MATN2: variants seen among roughly 807,000 people sequenced by gnomAD.
MATN2 encodes matrilin 2, also known as matrilin-2.
MATN2 carries 69 observed loss-of-function variants against 103.2 expected under a neutral mutation model. That is an observed-to-expected ratio of 0.67 (90% CI 0.55 to 0.82). MATN2 has a LOEUF of 0.82. MATN2 is among the 40% of genes least tolerant of loss of function. The pLI, the probability that MATN2 is intolerant of heterozygous loss-of-function variation, is 0.00. For missense variants in MATN2, 1,023 were observed against 1,211.5 expected (o/e 0.84, Z 2.31); for synonymous variants, 429 against 450.2 (o/e 0.95, Z 0.60).
chr8:97,934,889 G>A (rs1201456149), intron 3 of MATN2, among the ~76,000 whole-genome samples: 1 of 152,168 alleles, frequency 6.6e-6, no homozygotes, highest in East Asian at 1.9e-4. Flanking sequence ...AGGAACAAAA[G>A]CAAAGGCAGT....
Position 98,033,039 on chromosome 8 carries a change from C to T in MATN2, c.2582-3C>T. 1 of 1,599,626 alleles carries T rather than the reference C, an allele frequency of 6.3e-7. No homozygotes were observed. The highest frequency in any genetic ancestry group is 1.4e-5 in the African/African-American group (1 of 74,056). The stretch of plus-strand genomic sequence containing the variant: ...TTGATTGCAGTTTTCTTTCTCTTTA[C>T]AGAATCTGAGCCAGTCACCATAAAT... On this transcript the variant is annotated splice_polypyrimidine_tract_variant and splice_region_variant and intron_variant, in intron 16 of 18. Coordinates refer to ENST00000254898, the MANE Select transcript of MATN2 (RefSeq NM_002380.5).
At chr8:97,956,358 A>G (rs1015093720) in intron 4 of MATN2, among the ~76,000 whole-genome samples, 2 of 152,042 alleles carry the variant, frequency 1.3e-5, no homozygotes, top group African/African-American at 4.8e-5. Context: ...TGTATTTTTA[A>G]TAGAGATGGG....
At chr8:97,997,063 A>G (rs1232523842) in intron 7 of MATN2, among the ~76,000 whole-genome samples, 1 of 152,226 alleles carries the variant, frequency 6.6e-6, no homozygotes, top group Non-Finnish European at 1.5e-5. Flanking sequence ...GAGTGCTATC[A>G]TCAGTTTAAG....
intron 6 of MATN2, among the ~76,000 whole-genome samples, chr8:97,992,386 C>T (rs918559762): frequency 3.9e-5 from 6 of 152,054 alleles, no homozygotes; most frequent in Admixed American, 3.3e-4. Flanking sequence ...TATGGTATTA[C>T]AATTATATTG....
At chr8:98,003,518 G>T in intron 7 of MATN2, 143 bp from the exon 8 acceptor site, 3 of 824,098 alleles carry the variant, frequency 3.6e-6, no homozygotes, top group Non-Finnish European at 3.8e-6. Context: ...GCAGACAAAC[G>T]AATGAATGAT....
chr8:97,957,820 C>T (rs1811188932), intron 4 of MATN2, among the ~76,000 whole-genome samples: 1 of 152,172 alleles, frequency 6.6e-6, no homozygotes, highest in African/African-American at 2.4e-5. Context: ...ACTGGGGCTA[C>T]CTGGGAGCTT....
chr8:97,885,297 T>C (rs1421336765), intron 1 of MATN2, among the ~76,000 whole-genome samples: 2 of 152,120 alleles, frequency 1.3e-5, no homozygotes, highest in Non-Finnish European at 2.9e-5. Flanking sequence ...CACATATAAA[T>C]GATGTAACAC....
chr8:98,030,664 C>CTT (rs36040926), intron 15 of MATN2, 50 bp downstream of exon 15: 289 of 1,530,770 alleles, frequency 1.9e-4, no homozygotes, highest in Admixed American at 5.4e-4. Context: ...GCATGAACTC[C>CTT]TTTTTTTTTG....
At chr8:97,994,968 A>T (rs781044605) in intron 7 of MATN2, among the ~76,000 whole-genome samples, 2 of 152,208 alleles carry the variant, frequency 1.3e-5, no homozygotes, top group East Asian at 3.8e-4. Context: ...CTCCTACAAG[A>T]TAAGACACTT....
intron 7 of MATN2, among the ~76,000 whole-genome samples, chr8:97,996,158 T>G (rs1812580090): frequency 6.6e-6 from 1 of 152,168 alleles, no homozygotes; most frequent in Non-Finnish European, 1.5e-5. Flanking sequence ...GTGTTACTAA[T>G]GGAGGGGAAA....
At chr8:97,913,762 G>A (rs145011732) in intron 2 of MATN2, among the ~76,000 whole-genome samples, 1,979 of 151,056 alleles carry the variant, frequency 0.013, 20 homozygotes, top group South Asian at 0.027. Context: ...CTACAGGCAC[G>A]TGCCACCACG....
intron 2 of MATN2, among the ~76,000 whole-genome samples, chr8:97,910,849 G>A (rs530044527): frequency 1.3e-5 from 2 of 152,160 alleles, no homozygotes; most frequent in African/African-American, 4.8e-5. Context: ...GCTATGAGGA[G>A]TAATGAGTTA....
intron 2 of MATN2, among the ~76,000 whole-genome samples, chr8:97,927,226 C>T (rs1810016008): frequency 6.6e-6 from 1 of 152,208 alleles, no homozygotes; most frequent in Non-Finnish European, 1.5e-5. Flanking sequence ...TCACAGCAAC[C>T]TCCAGCTCCC....
chr8:97,995,154 G>A (rs955858695), intron 7 of MATN2, among the ~76,000 whole-genome samples: 5 of 152,244 alleles, frequency 3.3e-5, no homozygotes, highest in African/African-American at 1.2e-4. Flanking sequence ...CAAAGGGCAT[G>A]ATTGGGGATC....
chr8:97,908,640 C>T (rs1819259817), intron 2 of MATN2, among the ~76,000 whole-genome samples: 1 of 151,492 alleles, frequency 6.6e-6, no homozygotes, highest in Non-Finnish European at 1.5e-5. Context: ...CTCTTTCAAC[C>T]TTTTTTTTTG....
intron 7 of MATN2, among the ~76,000 whole-genome samples, chr8:97,995,305 T>C (rs1812545143): frequency 6.6e-6 from 1 of 152,232 alleles, no homozygotes; most frequent in South Asian, 2.1e-4. Context: ...TTGGCACTCA[T>C]AGATGTGCAC....
At chr8:97,983,580 C>T (rs1812096758) in intron 6 of MATN2, among the ~76,000 whole-genome samples, 1 of 152,174 alleles carries the variant, frequency 6.6e-6, no homozygotes, top group Non-Finnish European at 1.5e-5. Flanking sequence ...GGCTTTGAGT[C>T]TAATGCTTAA....
intron 5 of MATN2, among the ~76,000 whole-genome samples, chr8:97,966,168 T>A (rs1029989896): frequency 2.0e-5 from 3 of 149,646 alleles, no homozygotes; most frequent in African/African-American, 2.5e-5. Context: ...AAAAAAAAAA[T>A]AAATGAATAA....
chr8:98,008,092 A>T (rs1382601451), intron 10 of MATN2, among the ~76,000 whole-genome samples: 1 of 152,152 alleles, frequency 6.6e-6, no homozygotes, highest in African/African-American at 2.4e-5. Context: ...TTCCAAAGTC[A>T]GTCCTGGGAG....
Sources: gnomAD v4.1 joint callset for allele counts (sites outside exome capture counted in the v4.1 genomes callset) on GRCh38, gnomAD v4.1.1 for gene constraint, MANE v1.5 for transcripts, NCBI Gene and HGNC (gene_info 2026-07-23, HGNC 2026-07-21) for gene names.